The following SKAP1 variants were observed in gnomAD, a reference collection of about 807,000 sequenced individuals.
SKAP1 encodes src kinase associated phosphoprotein 1.
A neutral mutation model predicts 58.5 loss-of-function variants in SKAP1; 44 were observed. The ratio of observed to expected loss-of-function variants is 0.75; its 90% CI spans 0.59 to 0.97. The LOEUF (loss-of-function observed/expected upper bound fraction) is 0.97. Ranked by LOEUF, SKAP1 falls within the 50% of genes least tolerant of loss-of-function variation. The pLI, the probability that SKAP1 is intolerant of heterozygous loss-of-function variation, is 0.00. For missense variants in SKAP1, 390 were observed against 435.2 expected (o/e 0.90, Z 0.92); for synonymous variants, 127 against 149.7 (o/e 0.85, Z 1.11).
intron 1 of SKAP1, among the ~76,000 whole-genome samples, chr17:48,401,297 C>T (rs2067496293): frequency 6.7e-6 from 1 of 149,692 alleles, no homozygotes; most frequent in African/African-American, 2.5e-5. Flanking sequence ...CAGAGCAAGA[C>T]TCTGTCTCAA....
At chr17:48,305,214 CTT>C (rs2066122073) in intron 4 of SKAP1, among the ~76,000 whole-genome samples, 1 of 152,154 alleles carries the variant, frequency 6.6e-6, no homozygotes, top group Non-Finnish European at 1.5e-5. Flanking sequence ...CAGGGTCTCA[CTT>C]TGTTGACCAG....
Position 48,339,027 on chromosome 17 carries a change from C to A in SKAP1, c.280+6878G>T, listed in dbSNP as rs2066613380. ...CCAATGATCTGAAATCTGATGGACT[C>A]ACCTAAAGCCAACACAAACTTGTTT... On this transcript the variant is annotated intron_variant, in intron 4 of 12. Coordinates refer to ENST00000336915, the MANE Select transcript of SKAP1 (RefSeq NM_003726.4). 1.3e-5 allele frequency among the ~76,000 whole-genome samples: 2 copies of A among 152,182 alleles called. 1 individual carries two copies. The highest frequency in any genetic ancestry group is 4.1e-4 in the South Asian group (2 of 4,838).
intron 4 of SKAP1, among the ~76,000 whole-genome samples, chr17:48,237,263 A>G (rs533053082): frequency 1.3e-5 from 2 of 152,360 alleles, no homozygotes; most frequent in Admixed American, 1.3e-4. Context: ...TTTTTTCCAT[A>G]AAGTTGTATC....
At chr17:48,178,666 G>T (rs145382043) in intron 9 of SKAP1, among the ~76,000 whole-genome samples, 16 of 152,246 alleles carry the variant, frequency 1.1e-4, no homozygotes, top group African/African-American at 3.6e-4. Flanking sequence ...TTCTGCCAGG[G>T]AAATTGGAAA....
intron 2 of SKAP1, among the ~76,000 whole-genome samples, chr17:48,387,821 T>G (rs905262983): frequency 2.0e-5 from 3 of 152,272 alleles, no homozygotes; most frequent in Middle Eastern, 3.4e-3. Context: ...TTACCTTTCC[T>G]TTTTTTAAAA....
intron 4 of SKAP1, among the ~76,000 whole-genome samples, chr17:48,327,983 C>T (rs891558199): frequency 2.0e-5 from 3 of 152,142 alleles, no homozygotes. Context: ...GAAAGTGTTA[C>T]AGCTCACTGC....
At chr17:48,415,991 C>T (rs950787968) in intron 1 of SKAP1, among the ~76,000 whole-genome samples, 1 of 152,204 alleles carries the variant, frequency 6.6e-6, no homozygotes, top group Non-Finnish European at 1.5e-5. Context: ...GTCTATAGTC[C>T]TCTTCTCTAG....
intron 4 of SKAP1, among the ~76,000 whole-genome samples, chr17:48,190,183 T>TGCAA (rs2064520912): frequency 6.6e-6 from 1 of 151,258 alleles, no homozygotes; most frequent in Non-Finnish European, 1.5e-5. Flanking sequence ...CTTGGCTCAC[T>TGCAA]GCAAGCTCCA....
chr17:48,331,514 A>T (rs2066506996), intron 4 of SKAP1, among the ~76,000 whole-genome samples: 1 of 151,906 alleles, frequency 6.6e-6, no homozygotes, highest in African/African-American at 2.4e-5. Flanking sequence ...AGCCTGACCA[A>T]CATGGAGATA....
intron 1 of SKAP1, among the ~76,000 whole-genome samples, chr17:48,428,482 A>G (rs999302010): frequency 6.6e-6 from 1 of 152,260 alleles, no homozygotes; most frequent in Non-Finnish European, 1.5e-5. Context: ...TGAGTTGTTT[A>G]CCAAAGTGTC....
At chr17:48,288,536 A>T (rs963650901) in intron 4 of SKAP1, among the ~76,000 whole-genome samples, 1 of 152,112 alleles carries the variant, frequency 6.6e-6, no homozygotes, top group African/African-American at 2.4e-5. Flanking sequence ...AAACACAAAA[A>T]TTAGCCGGGT....
At chr17:48,351,113 C>G (rs956216485) in intron 3 of SKAP1, among the ~76,000 whole-genome samples, 1 of 152,186 alleles carries the variant, frequency 6.6e-6, no homozygotes, top group African/African-American at 2.4e-5. Flanking sequence ...GTTATTGAAT[C>G]TAATACCAAC....
chr17:48,192,886 G>A (rs1009084389), intron 4 of SKAP1, among the ~76,000 whole-genome samples: 2 of 152,126 alleles, frequency 1.3e-5, no homozygotes, highest in Non-Finnish European at 2.9e-5. Flanking sequence ...CTCCCCAAGA[G>A]TCAAACTCAG....
chr17:48,272,527 T>G (rs2065646231), intron 4 of SKAP1, among the ~76,000 whole-genome samples: 1 of 152,138 alleles, frequency 6.6e-6, no homozygotes, highest in Non-Finnish European at 1.5e-5. Flanking sequence ...AAGAACTATC[T>G]AAGTAAAGAT....
chr17:48,287,044 C>T (rs1444711785), intron 4 of SKAP1, among the ~76,000 whole-genome samples: 1 of 151,772 alleles, frequency 6.6e-6, no homozygotes, highest in East Asian at 1.9e-4. Context: ...TGCAGTGAGC[C>T]AAGATCGTGT....
At chr17:48,223,078 A>AAAAAAAAAAAAAAAAC (rs2065023951) in intron 4 of SKAP1, among the ~76,000 whole-genome samples, 1 of 151,054 alleles carries the variant, frequency 6.6e-6, no homozygotes. Flanking sequence ...AAAAAAAAAA[A>AAAAAAAAAAAAAAAAC]AAAAAAAAGC....
chr17:48,221,110 T>C (rs2065001946), intron 4 of SKAP1, among the ~76,000 whole-genome samples: 1 of 151,446 alleles, frequency 6.6e-6, no homozygotes, highest in Non-Finnish European at 1.5e-5. Flanking sequence ...CTACTAAAAA[T>C]ATAAAAATTA....
At chr17:48,443,601 G>A in the SKAP1 span, among the ~76,000 whole-genome samples, 5 of 152,014 alleles carry the variant, frequency 3.3e-5, no homozygotes, top group South Asian at 2.1e-4. Context: ...TCAGACTTCC[G>A]AATAGCTGAG....
chr17:48,244,560 C>G (rs1258628055), intron 4 of SKAP1, among the ~76,000 whole-genome samples: 2 of 152,176 alleles, frequency 1.3e-5, no homozygotes, highest in African/African-American at 4.8e-5. Context: ...CACAGCTGGG[C>G]CATGCCAAGC....
Sources: gnomAD v4.1 joint callset for allele counts (sites outside exome capture counted in the v4.1 genomes callset) on GRCh38, gnomAD v4.1.1 for gene constraint, MANE v1.5 for transcripts, NCBI Gene and HGNC (gene_info 2026-07-23, HGNC 2026-07-21) for gene names.